Variants in BABAM2 observed in about 807,000 individuals in gnomAD.
BABAM2 encodes the protein BRISC and BRCA1 A complex member 2, also known as BRISC and BRCA1-A complex member 2.
Under a neutral mutation model 54.7 loss-of-function variants are expected in BABAM2, and 31 were observed. That is an observed-to-expected ratio of 0.57 (90% confidence interval 0.43 to 0.77). The LOEUF (loss-of-function observed/expected upper bound fraction) is 0.77, where lower values mean the gene tolerates loss of function less well. BABAM2 is among the 30% of genes least tolerant of loss of function. BABAM2 has a pLI of 0.00. For missense variants in BABAM2, 364 were observed against 455.8 expected (o/e 0.80, Z 1.83); for synonymous variants, 167 against 162.9 (o/e 1.03, Z -0.19).
intron 3 of BABAM2, among the ~76,000 whole-genome samples, chr2:27,965,319 C>A (rs1485544926): frequency 2.0e-5 from 3 of 152,026 alleles, no homozygotes; most frequent in Non-Finnish European, 4.4e-5. Flanking sequence ...TGGAGAAAAT[C>A]ACTTAAAAAT....
At position 28,262,890 on chromosome 2, in the gene BABAM2, G is replaced by T. The variant is rs1006376183; in HGVS notation, c.934+18028G>T. On this transcript the variant is annotated intron_variant, in intron 10 of 11. Transcript: ENST00000379624. ...CACATGTCACACTGGACAGGAAGTG[G>T]CTTGGAACTCGAAACCTTGTTGATA... is the stretch of plus-strand genomic sequence containing the variant. 2.6e-4 allele frequency among the ~76,000 whole-genome samples: 40 copies of T among 152,094 alleles called. 1 individual carries two copies. Among genetic ancestry groups the T allele is most frequent in the Admixed American group, 2.0e-3 (31 of 15,262 alleles).
chr2:28,018,726 GT>G (rs368742890), intron 4 of BABAM2, among the ~76,000 whole-genome samples: 71 of 152,112 alleles, frequency 4.7e-4, no homozygotes, highest in African/African-American at 1.3e-3. Context: ...TTGTGTTACG[GT>G]TTTGATTTGC....
At chr2:28,101,190 C>T (rs567957777) in intron 6 of BABAM2, among the ~76,000 whole-genome samples, 3 of 152,118 alleles carry the variant, frequency 2.0e-5, no homozygotes, top group Admixed American at 6.6e-5. Context: ...AGCCAGTAAG[C>T]GATGAAGCTA....
At chr2:28,289,220 C>T (rs1228327587) in intron 10 of BABAM2, among the ~76,000 whole-genome samples, 1 of 152,072 alleles carries the variant, frequency 6.6e-6, no homozygotes, top group Non-Finnish European at 1.5e-5. Flanking sequence ...TTTATGTTAA[C>T]TGCCCTCTTG....
chr2:28,072,472 G>A (rs949410578), intron 6 of BABAM2, among the ~76,000 whole-genome samples: 4 of 151,886 alleles, frequency 2.6e-5, no homozygotes, highest in African/African-American at 7.2e-5. Flanking sequence ...TGCAAGCTCC[G>A]CTTCCCGGGT....
At chr2:27,932,362 A>G (rs955082953) in intron 3 of BABAM2, among the ~76,000 whole-genome samples, 8 of 152,206 alleles carry the variant, frequency 5.3e-5, no homozygotes, top group Non-Finnish European at 1.0e-4. Flanking sequence ...GATTCAAAAA[A>G]AATGTTTTCT....
chr2:27,974,886 G>A lies in BABAM2; in HGVS notation c.206-13107G>A, dbSNP rs188591574. 2.2e-3 allele frequency among the ~76,000 whole-genome samples: 329 copies of A among 152,142 alleles called. 1 individual carries two copies. The highest frequency in any genetic ancestry group is 4.0e-3 in the Admixed American group (61 of 15,284). On this transcript the variant is annotated intron_variant, in intron 3 of 11. Transcript: ENST00000379624. ...ATCCTAGAACTTACGAGTTTTTTAAGGTTACAGGATGTAAGATCAGCATAG... is the reference window on the plus strand; with the variant it reads ...ATCCTAGAACTTACGAGTTTTTTAAAGTTACAGGATGTAAGATCAGCATAG...
At chr2:28,201,340 C>A (rs905872417) in intron 7 of BABAM2, among the ~76,000 whole-genome samples, 1 of 152,056 alleles carries the variant, frequency 6.6e-6, no homozygotes, top group Non-Finnish European at 1.5e-5. Context: ...TACAAAAATA[C>A]CATATGGCTA....
intron 4 of BABAM2, among the ~76,000 whole-genome samples, chr2:27,992,419 T>G (rs1419893996): frequency 6.6e-6 from 1 of 152,164 alleles, no homozygotes; most frequent in East Asian, 1.9e-4. Context: ...CTTGTAATCC[T>G]AGTACCCTGT....
intron 4 of BABAM2, among the ~76,000 whole-genome samples, chr2:28,015,102 G>A (rs1457219984): frequency 2.0e-5 from 3 of 152,146 alleles, no homozygotes. Flanking sequence ...GCATATGACA[G>A]CATCCAAGGA....
intron 3 of BABAM2, among the ~76,000 whole-genome samples, chr2:27,959,898 G>A (rs1670349547): frequency 6.6e-6 from 1 of 151,418 alleles, no homozygotes; most frequent in South Asian, 2.1e-4. Context: ...TTTTTACTCT[G>A]GTCATAGTTT....
Position 28,127,049 on chromosome 2 carries a change from A to C in BABAM2, c.571-2222A>C, listed in dbSNP as rs1401078534. 2.6e-5 allele frequency among the ~76,000 whole-genome samples: 4 copies of C among 152,104 alleles called. No homozygotes were observed. In the East Asian group the frequency reaches 7.7e-4, roughly 29 times the overall value. On this transcript the variant is annotated intron_variant, in intron 6 of 11. Transcript: ENST00000379624. ...AGATTCTGGATATTAGCCCTTTGTC[A>C]GATGAGTAGGTTGCGAAAATTTTCT... is the stretch of plus-strand genomic sequence containing the variant.
rs1169083874 is a variant in BABAM2, at chr2:28,298,345, G to C, written c.942G>C (p.Leu314=). Residue 314 remains leucine, a synonymous_variant, in exon 11 of 12, where the codon CTG becomes CTC. Coordinates refer to ENST00000379624, the MANE Select transcript of BABAM2 (RefSeq NM_199191.3). ...KDFCFLVHID[L]PLFFPRDQPT... The stretch of plus-strand genomic sequence containing the variant: ...TTTCTTCTGTCTTTGCAGTTGACCT[G>C]CCTCTGTTTTTCCCTCGAGACCAGC... 4 of 1,613,428 alleles carry C rather than the reference G, an allele frequency of 2.5e-6. No individual in the cohort carries two copies. The highest frequency in any genetic ancestry group is 3.4e-6 in the Non-Finnish European group (4 of 1,179,806).
intron 10 of BABAM2, among the ~76,000 whole-genome samples, chr2:28,287,673 G>T (rs1686938434): frequency 6.6e-6 from 1 of 152,200 alleles, no homozygotes; most frequent in South Asian, 2.1e-4. Context: ...AGAAGGCGGG[G>T]CTTGGACTGC....
At chr2:28,027,401 A>C (rs1187793948) in intron 5 of BABAM2, among the ~76,000 whole-genome samples, 1 of 152,162 alleles carries the variant, frequency 6.6e-6, no homozygotes, top group Non-Finnish European at 1.5e-5. Flanking sequence ...AGCAACCACC[A>C]CCATTATCCA....
Position 28,017,592 on chromosome 2 carries a change from C to T in BABAM2, c.301-7634C>T, listed in dbSNP as rs114780982. Among the ~76,000 whole-genome samples the T allele has an allele frequency of 5.0e-3, 767 of 152,280 alleles. 4 individuals are homozygous for T. The highest frequency in any genetic ancestry group is 8.6e-3 in the Admixed American group (131 of 15,300). On this transcript the variant is annotated intron_variant, in intron 4 of 11. Transcript: ENST00000379624. ...AGTTGTTTCAGTATATCCACAGAGT[C>T]GTGCAGTCATCAATTACCATAGTGA...
chr2:27,889,274 T>G (rs1664644245), upstream of BABAM2, among the ~76,000 whole-genome samples: 1 of 152,244 alleles, frequency 6.6e-6, no homozygotes, highest in African/African-American at 2.4e-5. Flanking sequence ...CTTATTTTGA[T>G]TGTCCCAAAG....
intron 7 of BABAM2, among the ~76,000 whole-genome samples, chr2:28,230,468 C>T (rs78136513): frequency 0.11 from 16,506 of 151,810 alleles, 987 homozygotes; most frequent in Middle Eastern, 0.17. Flanking sequence ...GTAAACCCAG[C>T]ACTTTGGGAG....
intron 6 of BABAM2, among the ~76,000 whole-genome samples, chr2:28,059,972 A>G (rs1482327830): frequency 1.3e-5 from 2 of 152,240 alleles, no homozygotes; most frequent in Middle Eastern, 3.2e-3. Flanking sequence ...AAAATTGAAA[A>G]AGGGGAAATG....
Sources: gnomAD v4.1 joint callset for allele counts (sites outside exome capture counted in the v4.1 genomes callset) on GRCh38, gnomAD v4.1.1 for gene constraint, MANE v1.5 for transcripts, NCBI Gene and HGNC (gene_info 2026-07-23, HGNC 2026-07-21) for gene names.